Variants in MROH2B observed in about 807,000 individuals in gnomAD.
MROH2B encodes maestro heat-like repeat-containing protein family member 2B.
MROH2B carries 177 observed loss-of-function variants against 208.6 expected under a neutral mutation model. The observed-to-expected ratio is 0.85, with a 90% CI of 0.75 to 0.96. The LOEUF is 0.96. MROH2B is among the 40% of genes least tolerant of loss of function. The pLI is 0.00. For missense variants in MROH2B, 2,002 were observed against 1,878.7 expected, an observed-to-expected ratio of 1.07 and a Z score of -1.21; for synonymous variants, 728 against 659.0, an observed-to-expected ratio of 1.10 and a Z score of -1.60.
Position 41,057,147 on chromosome 5 carries a change from T to A in MROH2B, c.881A>T (p.Glu294Val). 6.2e-7 allele frequency: 1 copy of A among 1,614,006 alleles called. No individual in the cohort carries two copies. Among genetic ancestry groups the A allele is most frequent in the Non-Finnish European group, 8.5e-7 (1 of 1,179,870 alleles). ...ACAGCTTGAAGCTTTCATTTCATTT[T>A]CCTTTACTGGAGGCTCTGGAGCTCT... ...ICRAPEPPVK[E>V]NEMKASSCFL... Residue 294 changes from glutamate to valine, a missense_variant, in exon 9 of 42, where the codon GAA becomes GTA. Physicochemically the swap from Glu to Val is moderately radical, Grantham distance 121. Coordinates refer to ENST00000399564, the MANE Select transcript of MROH2B (RefSeq NM_173489.5).
chr5:41,049,385 C>G lies in MROH2B; in HGVS notation c.1396G>C (p.Ala466Pro), dbSNP rs376355835. Residue 466 changes from alanine (A) to proline (P), a missense_variant, in exon 14 of 42, where the codon GCT (alanine) becomes CCT (proline). Physicochemically the swap from Ala to Pro is conservative, Grantham distance 27 (BLOSUM62 -1). Coordinates refer to ENST00000399564, the MANE Select transcript of MROH2B (RefSeq NM_173489.5). ...TFVVPAEYTE[A>P]LEPLFSIIRI... ...ATGATACTAAACAGGGGCTCCAGAG[C>G]TTCTGTGTATTCTGCAGGTACCACA... 1.2e-5 allele frequency: 19 copies of G among 1,613,668 alleles called. No individual in the cohort carries two copies. The African/African-American group carries it at 2.1e-4, about 18-fold the overall frequency.
intron 10 of MROH2B, among the ~76,000 whole-genome samples, 191 bp downstream of exon 10, chr5:41,055,551 A>C (rs1176057994): frequency 6.6e-6 from 1 of 152,116 alleles, no homozygotes; most frequent in Non-Finnish European, 1.5e-5. Flanking sequence ...AATGTTACGA[A>C]AGAAGAGAAG....
In MROH2B at chr5:40,999,779, C is replaced by T; in HGVS notation, c.4483G>A (p.Ala1495Thr). 1 of 1,611,856 alleles carries T rather than the reference C, an allele frequency of 6.2e-7. No homozygotes were observed. Among genetic ancestry groups the T allele is most frequent in the Non-Finnish European group, 8.5e-7 (1 of 1,178,704 alleles). ...CACAGAATTTCCTGGTTTTTCTTGGCCTAGAAGAGATGTGAATTTCAAAGA... is the reference window on the plus strand; with the variant it reads ...CACAGAATTTCCTGGTTTTTCTTGGTCTAGAAGAGATGTGAATTTCAAAGA... Reference protein sequence around the residue: ...DFYRQFCVKLAKKNQEILWIL... With the variant: ...DFYRQFCVKLTKKNQEILWIL... Residue 1495 changes from alanine (A) to threonine (T), a missense_variant and splice_region_variant, in exon 40 of 42, where the codon GCC becomes ACC. Transcript: ENST00000399564.
rs146762246 is a variant in MROH2B, at chr5:41,050,198, C to T, written c.1345-762G>A. On this transcript the variant is annotated intron_variant, in intron 13 of 41. Transcript: ENST00000399564. ...GAATCTACTGATTCCCTACAATTAT[C>T]GTTTTAAATGTTTAGCTCTTGCTTA... 7.3e-3 allele frequency among the ~76,000 whole-genome samples: 1,105 copies of T among 152,290 alleles called. 7 individuals are homozygous for T. The highest frequency in any genetic ancestry group is 0.011 in the Non-Finnish European group (776 of 68,022).
chr5:41,033,338 T>G (rs966188036), intron 22 of MROH2B, among the ~76,000 whole-genome samples, 178 bp from the exon 23 acceptor site: 2 of 151,960 alleles, frequency 1.3e-5, no homozygotes, highest in African/African-American at 4.8e-5. Flanking sequence ...CAAATGCCAT[T>G]TTTCCTCCCT....
Position 40,998,549 on chromosome 5 carries a change from C to G in MROH2B, c.4651+63G>C, listed in dbSNP as rs747977636. The G allele has an allele frequency of 6.7e-6, 9 of 1,346,618 alleles. No individual in the cohort carries two copies. In the African/African-American group the frequency reaches 1.3e-4, roughly 20 times the overall value. 83.4% of individuals were successfully genotyped at this position (1,346,618 alleles called of 1,614,324 possible). On this transcript the variant is annotated intron_variant, in intron 41 of 41. Coordinates refer to ENST00000399564, the MANE Select transcript of MROH2B (RefSeq NM_173489.5). The stretch of plus-strand genomic sequence containing the variant: ...TGGGCTGACGTGGAACTTAGAACAG[C>G]AATATTTTCTCTTTTCCTAAGAATG...
At chr5:41,047,571 A>C in intron 17 of MROH2B, 150 bp downstream of exon 17, 1 of 640,570 alleles carries the variant, frequency 1.6e-6, no homozygotes, top group Non-Finnish European at 2.7e-6. Flanking sequence ...ATTATCCTTG[A>C]GTGATCACTT....
chr5:40,999,706 A>C lies in MROH2B; in HGVS notation c.4556T>G (p.Val1519Gly), dbSNP rs768806816. 1 of 1,613,084 alleles carries C rather than the reference A, an allele frequency of 6.2e-7. No homozygotes were observed. The highest frequency in any genetic ancestry group is 1.3e-5 in the African/African-American group (1 of 74,878). ...GAGTTTGACAGCTGCACTCCTGATCACCTCCCAGGTGCTGGTGAAGAAGGT... is the reference window on the plus strand; with the variant it reads ...GAGTTTGACAGCTGCACTCCTGATCCCCTCCCAGGTGCTGGTGAAGAAGGT... ...SFTFFTSTWEVIRSAAVKLTD... is the reference protein window; with the variant it reads ...SFTFFTSTWEGIRSAAVKLTD... Residue 1519 changes from valine to glycine, a missense_variant, in exon 40 of 42, where the codon GTG (valine) becomes GGG (glycine). By Grantham distance (109) the Val-to-Gly change is moderately radical. Coordinates refer to ENST00000399564, the MANE Select transcript of MROH2B (RefSeq NM_173489.5).
At position 41,005,483 on chromosome 5, in the gene MROH2B, A is replaced by G; in HGVS notation, c.3864+48T>C. The G allele has an allele frequency of 3.2e-6, 4 of 1,234,546 alleles. 1 individual carries two copies. In the South Asian group the frequency reaches 5.0e-5, roughly 16 times the overall value. The allele number at this position is 1,234,546 out of a possible 1,614,324, so 76.5% of individuals were successfully genotyped here. A position where few individuals can be genotyped will look rare whatever the true frequency, so the allele number is the denominator to read the frequency against. ...CTGGGCTCCAGACCATAAGAGAAAT[A>G]CCCTATGGGGACCCAGTGAGTGTGC... On this transcript the variant is annotated intron_variant, in intron 35 of 41. Coordinates refer to ENST00000399564, the MANE Select transcript of MROH2B (RefSeq NM_173489.5).
At chr5:41,004,216 G>T (rs1741492763) in intron 37 of MROH2B, 130 bp downstream of exon 37, 3 of 989,204 alleles carry the variant, frequency 3.0e-6, no homozygotes, top group African/African-American at 1.6e-5. Context: ...GAGATTGTCT[G>T]CAGGTGACCT....
rs773695331 is a variant in MROH2B at position 41,055,855 on chromosome 5, G to A, written c.920C>T (p.Ala307Val). The change falls in exon 10 of 42, where the codon GCC (alanine) becomes GTC (valine). Residue 307 changes from alanine (A) to valine (V), a missense_variant and splice_region_variant. Coordinates refer to ENST00000399564, the MANE Select transcript of MROH2B (RefSeq NM_173489.5). The part of the protein sequence containing the change: ...MKASSCFLIL[A>V]HSNPGELMEF... ...CATCAGCTCTCCAGGATTGGAATGG[G>A]CTGCAGGTTCAAGAAACACTAGAGC... The A allele has an allele frequency of 1.9e-6, 3 of 1,607,380 alleles. No individual in the cohort carries two copies. Among genetic ancestry groups the A allele is most frequent in the Admixed American group, 3.3e-5 (2 of 60,016 alleles).
intron 29 of MROH2B, among the ~76,000 whole-genome samples, chr5:41,013,514 G>A (rs187486654): frequency 1.2e-4 from 18 of 152,304 alleles, no homozygotes; most frequent in East Asian, 7.7e-4. Flanking sequence ...ACACTAGAGC[G>A]TTCCTATTTA....
At position 41,058,083 on chromosome 5, in the gene MROH2B, T is replaced by C; in HGVS notation, c.736A>G (p.Ile246Val). Residue 246 changes from isoleucine to valine, a missense_variant, in exon 7 of 42, where the codon ATT (isoleucine) becomes GTT (valine). By Grantham distance (29) the Ile-to-Val change is conservative (BLOSUM62 3). Coordinates refer to ENST00000399564, the MANE Select transcript of MROH2B (RefSeq NM_173489.5). ...WLLNQYKDKE[I>V]DFHVTQSLKQ... ...CTTACCTGAGTGACATGGAAATCAA[T>C]CTCTTTGTCTTTATACTGGTTCAGG... The C allele has an allele frequency of 6.3e-7, 1 of 1,592,558 alleles. No individual in the cohort carries two copies. Among genetic ancestry groups the C allele is most frequent in the Non-Finnish European group, 8.6e-7 (1 of 1,169,522 alleles).
chr5:41,000,762 C>T lies in MROH2B; in HGVS notation c.4266G>A (p.Trp1422Ter). The T allele has an allele frequency of 6.2e-7, 1 of 1,611,172 alleles. No individual in the cohort carries two copies. Among genetic ancestry groups the T allele is most frequent in the Non-Finnish European group, 8.5e-7 (1 of 1,178,808 alleles). The stretch of plus-strand genomic sequence containing the variant: ...TTATTTCTTCAGCAAAAAAAATCTT[C>T]CACCTTCTTCCTGTTAGGGGTGCCA... ...EDLAPLTGRR[W>*]KIFFAEEIKK... Residue 1422 changes from tryptophan (W) to a stop codon, truncating the protein, a stop_gained, in exon 38 of 42, where the codon TGG (tryptophan) becomes TGA (stop). Coordinates refer to ENST00000399564, the MANE Select transcript of MROH2B (RefSeq NM_173489.5). LOFTEE classifies it high-confidence loss of function.
chr5:41,019,457 T>C (rs1458737242), intron 24 of MROH2B, among the ~76,000 whole-genome samples: 1 of 152,196 alleles, frequency 6.6e-6, no homozygotes, highest in Non-Finnish European at 1.5e-5. Flanking sequence ...TCTTTTCATG[T>C]TCTAAATAGT....
At chr5:41,008,207 CA>C (rs1741655800) in intron 33 of MROH2B, among the ~76,000 whole-genome samples, 1 of 152,116 alleles carries the variant, frequency 6.6e-6, no homozygotes, top group Admixed American at 6.5e-5. Flanking sequence ...CAATGGTATG[CA>C]AAAAATTGCT....
Position 41,008,728 on chromosome 5 carries a change from C to G in MROH2B, c.3486G>C (p.Leu1162=), listed in dbSNP as rs1741674660. ...TAACCAGCTTCAGGAGGAGAGTGAA[C>G]AGCTCTGGATACAAGCCGGTGACAG... ...GTSVTGLYPE[L]FTLLLKLVSC... is the part of the protein sequence containing the mutation. Residue 1162 remains leucine, a synonymous_variant, in exon 33 of 42, where the codon CTG becomes CTC. Transcript: ENST00000399564. 2 of 1,613,788 alleles carry G rather than the reference C, an allele frequency of 1.2e-6. No homozygotes were observed. The highest frequency in any genetic ancestry group is 1.7e-6 in the Non-Finnish European group (2 of 1,179,822).
At chr5:41,010,802 T>A (rs920290997) in intron 30 of MROH2B, among the ~76,000 whole-genome samples, 4 of 152,198 alleles carry the variant, frequency 2.6e-5, no homozygotes, top group African/African-American at 4.8e-5. Flanking sequence ...GATGTGTCAA[T>A]GTAGGTTTAC....
intron 18 of MROH2B, among the ~76,000 whole-genome samples, chr5:41,044,592 C>G (rs1743060270): frequency 6.6e-6 from 1 of 152,062 alleles, no homozygotes; most frequent in African/African-American, 2.4e-5. Context: ...GTGCACAGAG[C>G]TAGTTTGTGT....
Sources: gnomAD v4.1 joint callset for allele counts (sites outside exome capture counted in the v4.1 genomes callset) on GRCh38, gnomAD v4.1.1 for gene constraint, MANE v1.5 for transcripts, NCBI Gene and HGNC (gene_info 2026-07-23, HGNC 2026-07-21) for gene names.